Variants in RARB observed in about 807,000 individuals in gnomAD.
The protein encoded by RARB is retinoic acid receptor beta, also known as HBV-activated protein.
RARB carries 17 observed loss-of-function variants against 51.9 expected under a neutral mutation model. That is an observed-to-expected ratio of 0.33 (90% CI 0.22 to 0.49). The LOEUF is 0.49. Ranked by LOEUF, RARB falls within the 20% of genes least tolerant of loss-of-function variation. The pLI is 0.99. For synonymous variants in RARB, 215 were observed against 195.4 expected, an observed-to-expected ratio of 1.10 and a Z score of -0.84; for missense variants, 369 against 550.8, an observed-to-expected ratio of 0.67 and a Z score of 3.30.
chr3:25,162,852 T>G (rs1700494579), intron 4 of RARB, among the ~76,000 whole-genome samples: 1 of 152,248 alleles, frequency 6.6e-6, no homozygotes, highest in Admixed American at 6.5e-5. Context: ...TTTCACTTTA[T>G]GGATGTTGTG....
intron 3 of RARB, among the ~76,000 whole-genome samples, chr3:25,514,407 G>A (rs1698056120): frequency 6.6e-6 from 1 of 152,048 alleles, no homozygotes; most frequent in Non-Finnish European, 1.5e-5. Context: ...ACCAAGCAAA[G>A]CAAACACCCT....
intron 5 of RARB, among the ~76,000 whole-genome samples, chr3:25,583,772 G>T (rs1701278815): frequency 6.6e-6 from 1 of 152,224 alleles, no homozygotes; most frequent in African/African-American, 2.4e-5. Flanking sequence ...AGATTCTGAG[G>T]CCACACTTTG....
rs1167266372 is a variant in RARB, at chr3:25,004,629, T to C, written c.-379-55496T>C. On this transcript the variant is annotated intron_variant, in intron 2 of 11. Coordinates refer to the RARB transcript ENST00000383772. ...CACAATGACAATTTTGACATGAGTT[T>C]TGGAGGGGACATTCAAACCATAGCT... is the stretch of plus-strand genomic sequence containing the variant. Among the ~76,000 whole-genome samples the C allele has an allele frequency of 2.0e-5, 3 of 152,264 alleles. No homozygotes were observed. The East Asian group carries it at 5.8e-4, about 30-fold the overall frequency.
chr3:25,053,213 G>T (rs753789595), intron 2 of RARB, among the ~76,000 whole-genome samples: 2 of 152,224 alleles, frequency 1.3e-5, no homozygotes, highest in Non-Finnish European at 1.5e-5. Context: ...TTATGACAAG[G>T]TTTGATGGTG....
At chr3:25,423,543 T>C (rs1707914760), upstream of RARB, among the ~76,000 whole-genome samples, 1 of 152,226 alleles carries the variant, frequency 6.6e-6, no homozygotes, top group African/African-American at 2.4e-5. Context: ...AATATACAGA[T>C]CTATGCCAAG....
At chr3:25,140,857 C>T (rs1295967078) in intron 4 of RARB, among the ~76,000 whole-genome samples, 1 of 151,982 alleles carries the variant, frequency 6.6e-6, no homozygotes, top group Non-Finnish European at 1.5e-5. Flanking sequence ...GCAAGACCTC[C>T]ACCAACAAAA....
chr3:25,549,826 A>G (rs1031903010), intron 3 of RARB, among the ~76,000 whole-genome samples: 2 of 152,070 alleles, frequency 1.3e-5, no homozygotes, highest in African/African-American at 4.8e-5. Context: ...GGTCATGGCA[A>G]CTGACACCGA....
chr3:25,268,706 T>G (rs552674757), intron 5 of RARB, among the ~76,000 whole-genome samples: 1 of 152,286 alleles, frequency 6.6e-6, no homozygotes, highest in South Asian at 2.1e-4. Flanking sequence ...ATTGTTCACT[T>G]TCTCATTTCA....
At chr3:25,352,866 A>G (rs1705618203) in intron 5 of RARB, among the ~76,000 whole-genome samples, 1 of 152,128 alleles carries the variant, frequency 6.6e-6, no homozygotes, top group Admixed American at 6.6e-5. Flanking sequence ...TCCAGATGTG[A>G]CTCTGCAGCG....
chr3:24,894,034 G>C (rs1319742155), intron 2 of RARB, among the ~76,000 whole-genome samples: 3 of 152,156 alleles, frequency 2.0e-5, no homozygotes, highest in Non-Finnish European at 4.4e-5. Flanking sequence ...AGAGATGGCA[G>C]AATCCTATTC....
chr3:24,970,622 T>A (rs1414100302), intron 2 of RARB, among the ~76,000 whole-genome samples: 1 of 133,456 alleles, frequency 7.5e-6, no homozygotes, highest in Non-Finnish European at 1.7e-5. Context: ...CCCCCTCTGC[T>A]ACCACCTGTA....
chr3:25,458,931 A>G (rs1456840568), intron 1 of RARB, among the ~76,000 whole-genome samples: 1 of 152,210 alleles, frequency 6.6e-6, no homozygotes, highest in African/African-American at 2.4e-5. Context: ...AAGGAAAAGG[A>G]AAAAGTTCAT....
intron 5 of RARB, among the ~76,000 whole-genome samples, chr3:25,412,952 G>A (rs1020351289): frequency 1.3e-5 from 2 of 152,028 alleles, no homozygotes; most frequent in Non-Finnish European, 1.5e-5. Flanking sequence ...CCGGGAGGCG[G>A]AGGTTGTGGT....
chr3:25,305,757 C>G (rs1704139472), intron 5 of RARB, among the ~76,000 whole-genome samples: 1 of 152,186 alleles, frequency 6.6e-6, no homozygotes, highest in Middle Eastern at 3.4e-3. Context: ...ACAAAAATTT[C>G]TTCAAAAAGG....
At chr3:25,239,163 TATTAA>T (rs1210708622) in intron 5 of RARB, among the ~76,000 whole-genome samples, 1 of 152,256 alleles carries the variant, frequency 6.6e-6, no homozygotes, top group Admixed American at 6.5e-5. Context: ...TGTTTATTAC[TATTAA>T]ATTGTTTGAG....
intron 2 of RARB, among the ~76,000 whole-genome samples, chr3:24,917,745 T>C (rs1695135915): frequency 6.6e-6 from 1 of 152,204 alleles, no homozygotes; most frequent in African/African-American, 2.4e-5. Context: ...CAGGCTGGTC[T>C]CAAAATCCTG....
chr3:25,419,157 T>A (rs1226619397), intron 5 of RARB, among the ~76,000 whole-genome samples: 1 of 152,094 alleles, frequency 6.6e-6, no homozygotes, highest in African/African-American at 2.4e-5. Context: ...CCTATCTATT[T>A]AGGTGGTGCT....
intron 2 of RARB, among the ~76,000 whole-genome samples, chr3:24,994,410 A>G (rs1273026899): frequency 6.6e-6 from 1 of 152,120 alleles, no homozygotes; most frequent in East Asian, 1.9e-4. Context: ...CCCCTATCAG[A>G]TGAGTAGTTT....
At chr3:25,361,165 CTT>C (rs1412740232) in intron 5 of RARB, among the ~76,000 whole-genome samples, 6 of 152,280 alleles carry the variant, frequency 3.9e-5, no homozygotes, top group Admixed American at 1.3e-4. Context: ...TTCTTGGACA[CTT>C]TGTTCCTTCC....
Sources: allele counts gnomAD v4.1 joint callset (sites outside exome capture counted in the v4.1 genomes callset), GRCh38; gene constraint gnomAD v4.1.1; transcripts MANE v1.5; gene names NCBI Gene and HGNC (gene_info 2026-07-23, HGNC 2026-07-21).